ATXN1: variants seen among roughly 807,000 people sequenced by gnomAD.
ATXN1 encodes ataxin-1.
A neutral mutation model predicts 56.4 loss-of-function variants in ATXN1; 8 were observed. That is an observed-to-expected ratio of 0.14 (90% confidence interval 0.08 to 0.26). ATXN1 has a LOEUF of 0.26. ATXN1 is among the 10% of genes least tolerant of loss of function. The pLI, the probability that ATXN1 is intolerant of heterozygous loss-of-function variation, is 1.00. For missense variants in ATXN1, 987 were observed against 1,106.5 expected, an observed-to-expected ratio of 0.89 and a Z score of 1.53; for synonymous variants, 514 against 494.6, an observed-to-expected ratio of 1.04 and a Z score of -0.52.
In ATXN1 at chr6:16,313,853, C is replaced by T. The variant is rs759362325; in HGVS notation, c.1918-6994G>A. Among the ~76,000 whole-genome samples, 3 of 152,194 alleles carry T rather than the reference C, an allele frequency of 2.0e-5. No individual in the cohort carries two copies. The East Asian group carries it at 5.8e-4, about 29-fold the overall frequency. On this transcript the variant is annotated intron_variant, in intron 7 of 7. Transcript: ENST00000436367. The stretch of plus-strand genomic sequence containing the variant: ...CTAGGATTACAGAAGTGAGTCACCG[C>T]GCCCACCTGGCCTGTTAATGAAATT...
chr6:16,425,958 C>A (rs1292684012), intron 6 of ATXN1, among the ~76,000 whole-genome samples: 2 of 152,152 alleles, frequency 1.3e-5, no homozygotes, highest in Non-Finnish European at 2.9e-5. Flanking sequence ...TGCTCACAGA[C>A]TGATATTAAC....
chr6:16,644,563 G>GGTGTGTGTGTGTGT (rs113345902), intron 3 of ATXN1, among the ~76,000 whole-genome samples: 16 of 142,922 alleles, frequency 1.1e-4, no homozygotes, highest in South Asian at 4.4e-4. Context: ...TAAATTTTAT[G>GGTGTGTGTGTGTGT]GTGTGTGTGT....
chr6:16,544,982 T>G (rs778318024), intron 4 of ATXN1, among the ~76,000 whole-genome samples: 3 of 152,268 alleles, frequency 2.0e-5, no homozygotes, highest in Middle Eastern at 3.4e-3. Flanking sequence ...CTTCCAGGGT[T>G]ATAAAACAAC....
intron 6 of ATXN1, among the ~76,000 whole-genome samples, chr6:16,395,590 A>G (rs1035232868): frequency 2.6e-5 from 4 of 152,230 alleles, no homozygotes; most frequent in Non-Finnish European, 5.9e-5. Context: ...CAGTCCTATA[A>G]AAGTATAGCA....
At chr6:16,701,840 C>T (rs1042270096) in intron 2 of ATXN1, among the ~76,000 whole-genome samples, 3 of 152,136 alleles carry the variant, frequency 2.0e-5, no homozygotes, top group East Asian at 3.8e-4. Context: ...AAAGAGGATA[C>T]AAACAAATGG....
intron 2 of ATXN1, among the ~76,000 whole-genome samples, chr6:16,743,149 G>A (rs3828872): frequency 0.1 from 15,475 of 152,206 alleles, 1,442 homozygotes; most frequent in East Asian, 0.36. Flanking sequence ...AGTCTTAGAC[G>A]TTCAAAAACA....
rs976081256 is a variant in ATXN1 at position 16,302,312 on chromosome 6, C to G, written c.*4017G>C. The G allele has an allele frequency of 1.3e-5, 2 of 152,302 alleles. No homozygotes were observed. Among genetic ancestry groups the G allele is most frequent in the African/African-American group, 4.8e-5 (2 of 41,406 alleles). The allele number at this position is 152,302 out of a possible 1,614,324, so 9.4% of individuals were successfully genotyped here. ...CCACTTCCTGGTGGGGGGAAAAAAC[C>G]CAACACACTCACCTAACAGAAAACA... On this transcript the variant is annotated 3_prime_UTR_variant, in exon 8 of 8. Coordinates refer to ENST00000436367, the MANE Select transcript of ATXN1 (RefSeq NM_001128164.2).
chr6:16,457,440 C>T (rs565813325), intron 6 of ATXN1, among the ~76,000 whole-genome samples: 1 of 151,524 alleles, frequency 6.6e-6, no homozygotes, highest in Non-Finnish European at 1.5e-5. Context: ...AACACCCAGG[C>T]ATCAACAAGC....
At chr6:16,394,018 C>T (rs1339189126) in intron 6 of ATXN1, among the ~76,000 whole-genome samples, 4 of 151,952 alleles carry the variant, frequency 2.6e-5, no homozygotes, top group African/African-American at 9.7e-5. Context: ...AAGATAAGCC[C>T]GATGCCTAAC....
intron 6 of ATXN1, among the ~76,000 whole-genome samples, chr6:16,467,364 T>C (rs1760128824): frequency 6.6e-6 from 1 of 152,224 alleles, no homozygotes; most frequent in Admixed American, 6.5e-5. Flanking sequence ...GGTTATTCTA[T>C]CACGGAGATA....
intron 4 of ATXN1, among the ~76,000 whole-genome samples, chr6:16,552,577 T>A (rs1043912902): frequency 1.1e-4 from 17 of 152,204 alleles, no homozygotes; most frequent in African/African-American, 3.9e-4. Context: ...AAATTAGAAG[T>A]GTAGGTGGGT....
intron 6 of ATXN1, among the ~76,000 whole-genome samples, chr6:16,347,301 GTC>G (rs1761436801): frequency 6.6e-6 from 1 of 152,272 alleles, no homozygotes; most frequent in Non-Finnish European, 1.5e-5. Flanking sequence ...GGGCTCCTGA[GTC>G]TGGTGGGGCC....
intron 6 of ATXN1, among the ~76,000 whole-genome samples, chr6:16,396,371 G>C (rs1345119191): frequency 1.3e-5 from 2 of 152,058 alleles, no homozygotes; most frequent in African/African-American, 4.8e-5. Context: ...CTTGAGCCCG[G>C]GTGCGCGAAA....
chr6:16,572,109 G>T (rs145247488), intron 4 of ATXN1, among the ~76,000 whole-genome samples: 2 of 152,162 alleles, frequency 1.3e-5, no homozygotes, highest in Admixed American at 1.3e-4. Context: ...TCTACATGTT[G>T]TAAAGGTGAT....
rs1763005908 is a variant in ATXN1 at position 16,606,445 on chromosome 6, T to A, written c.-488-20538A>T. On this transcript the variant is annotated intron_variant, in intron 3 of 7. Transcript: ENST00000436367. ...AAGTGCAGAGGATCTTAAGAATAGCTCTGGAGCCATGCAGGGGATAATGGG... is the reference window on the plus strand; with the variant it reads ...AAGTGCAGAGGATCTTAAGAATAGCACTGGAGCCATGCAGGGGATAATGGG... 3.9e-5 allele frequency among the ~76,000 whole-genome samples: 6 copies of A among 152,244 alleles called. 1 individual carries two copies. The South Asian group carries it at 1.2e-3, about 32-fold the overall frequency.
At chr6:16,312,826 C>CCATAAAACCCTCCCATAAAAACG (rs1760428636) in intron 7 of ATXN1, among the ~76,000 whole-genome samples, 1 of 151,994 alleles carries the variant, frequency 6.6e-6, no homozygotes, top group Admixed American at 6.5e-5. Flanking sequence ...CCCATACCCC[C>CCATAAAACCCTCCCATAAAAACG]CTCCCATAAA....
intron 4 of ATXN1, among the ~76,000 whole-genome samples, chr6:16,557,733 C>A (rs1363098202): frequency 6.6e-6 from 1 of 152,174 alleles, no homozygotes; most frequent in Non-Finnish European, 1.5e-5. Context: ...GGTGTCACTG[C>A]ACTTTAGTGG....
intron 6 of ATXN1, among the ~76,000 whole-genome samples, chr6:16,465,513 C>G (rs528900691): frequency 1.2e-4 from 19 of 152,138 alleles, no homozygotes; most frequent in African/African-American, 4.6e-4. Context: ...AAGATGACTC[C>G]CAGGCAAGGT....
chr6:16,602,903 T>A (rs1425064330), intron 3 of ATXN1, among the ~76,000 whole-genome samples: 1 of 152,216 alleles, frequency 6.6e-6, no homozygotes, highest in Non-Finnish European at 1.5e-5. Context: ...ACAGGCTATG[T>A]AACTGAGCTT....
Sources: gnomAD v4.1 joint callset for allele counts (sites outside exome capture counted in the v4.1 genomes callset) on GRCh38, gnomAD v4.1.1 for gene constraint, MANE v1.5 for transcripts, NCBI Gene and HGNC (gene_info 2026-07-23, HGNC 2026-07-21) for gene names.